The following PPARD variants were observed in gnomAD, a reference collection of about 807,000 sequenced individuals.
PPARD encodes the protein peroxisome proliferator-activated receptor delta.
In PPARD, 6 loss-of-function variants were observed where a neutral mutation model predicts 39.5. The ratio of observed to expected loss-of-function variants is 0.15; its 90% CI spans 0.08 to 0.30. The LOEUF is 0.30. PPARD is among the 10% of genes least tolerant of loss of function. The pLI is 1.00. For synonymous variants in PPARD, 210 were observed against 231.3 expected, an observed-to-expected ratio of 0.91 and a Z score of 0.83; for missense variants, 397 against 596.8, an observed-to-expected ratio of 0.67 and a Z score of 3.49.
At chr6:35,346,957 ATTACCTT>A in intron 1 of PPARD, 103 bp from the exon 2 acceptor site, 1 of 632,754 alleles carries the variant, frequency 1.6e-6, no homozygotes, top group Non-Finnish European at 2.7e-6. Flanking sequence ...GAGGAGCCAG[ATTACCTT>A]AGGAACACTC....
In PPARD at chr6:35,382,423, C is replaced by T. The variant is rs116925723; in HGVS notation, c.-101-28564C>T. On this transcript the variant is annotated intron_variant, in intron 2 of 7. Transcript: ENST00000360694. ...CCGTGAAATGGGTATAATTGTTTCA[C>T]CCACATTAATTTAACCAGAGGTCTT... Among the ~76,000 whole-genome samples the T allele has an allele frequency of 5.9e-5, 9 of 152,282 alleles. No individual in the cohort carries two copies. The East Asian group carries it at 1.7e-3, about 29-fold the overall frequency.
intron 2 of PPARD, among the ~76,000 whole-genome samples, chr6:35,381,868 G>C (rs545315224): frequency 6.6e-6 from 1 of 152,346 alleles, no homozygotes; most frequent in African/African-American, 2.4e-5. Context: ...ATGAAGAACA[G>C]TCAAGGTGCC....
Position 35,347,087 on chromosome 6 carries a change from A to C in PPARD, c.-165A>C. ...TGCAGTGTTGTACAGTGTTTTGGGC[A>C]TGCACGTGATACTCACACAGTGGCT... On this transcript the variant is annotated 5_prime_UTR_variant, in exon 2 of 8. It removes an upstream start codon present in the reference 5' UTR. Transcript: ENST00000360694. 2 of 1,535,854 alleles carry C rather than the reference A, an allele frequency of 1.3e-6. No homozygotes were observed. The highest frequency in any genetic ancestry group is 1.7e-6 in the Non-Finnish European group (2 of 1,146,690).
chr6:35,390,961 G>A (rs942583696), intron 2 of PPARD, among the ~76,000 whole-genome samples: 2 of 152,208 alleles, frequency 1.3e-5, no homozygotes, highest in Non-Finnish European at 1.5e-5. Flanking sequence ...GTTTGTGGCT[G>A]CAGTGAGCTA....
chr6:35,373,644 C>CATTTCTT (rs1762620557), intron 2 of PPARD, among the ~76,000 whole-genome samples: 1 of 150,466 alleles, frequency 6.6e-6, no homozygotes, highest in Non-Finnish European at 1.5e-5. Context: ...CTCTACGGTA[C>CATTTCTT]ATTTCTTTCT....
chr6:35,359,709 G>A (rs1261541863), intron 2 of PPARD, among the ~76,000 whole-genome samples: 5 of 152,188 alleles, frequency 3.3e-5, no homozygotes, highest in African/African-American at 1.2e-4. Context: ...AACGATCTGA[G>A]TAGAATATGG....
intron 2 of PPARD, chr6:35,348,291 A>G (rs1336647918): frequency 2.7e-5 from 25 of 926,846 alleles, no homozygotes; most frequent in Non-Finnish European, 3.2e-5. Flanking sequence ...TCTCTGCCTC[A>G]TGGGTCTGTG....
chr6:35,352,654 T>C (rs1204777474), intron 2 of PPARD, among the ~76,000 whole-genome samples: 1 of 152,178 alleles, frequency 6.6e-6, no homozygotes, highest in Non-Finnish European at 1.5e-5. Context: ...GTTGCTATAG[T>C]CAAATGAAGA....
chr6:35,422,298 G>T (rs1037593347), intron 5 of PPARD, among the ~76,000 whole-genome samples: 1 of 152,184 alleles, frequency 6.6e-6, no homozygotes, highest in Non-Finnish European at 1.5e-5. Flanking sequence ...AGAAACTCAA[G>T]CCTGTCTCAG....
intron 2 of PPARD, among the ~76,000 whole-genome samples, chr6:35,372,200 C>T (rs959324061): frequency 1.3e-5 from 2 of 152,094 alleles, no homozygotes; most frequent in African/African-American, 4.8e-5. Context: ...TTTTTTGAGA[C>T]GGAGTCTCGC....
chr6:35,367,040 A>C (rs1389947766), intron 2 of PPARD, among the ~76,000 whole-genome samples: 1 of 152,172 alleles, frequency 6.6e-6, no homozygotes, highest in East Asian at 1.9e-4. Context: ...TGGCACTGGA[A>C]GTGGAAAGGT....
At chr6:35,398,781 G>A (rs1581626336) in intron 2 of PPARD, among the ~76,000 whole-genome samples, 1 of 152,194 alleles carries the variant, frequency 6.6e-6, no homozygotes, top group Non-Finnish European at 1.5e-5. Flanking sequence ...CGTGGGTCAA[G>A]TAAAATAAAG....
intron 2 of PPARD, among the ~76,000 whole-genome samples, chr6:35,360,683 C>G (rs867918613): frequency 1.3e-5 from 2 of 152,248 alleles, no homozygotes; most frequent in African/African-American, 2.4e-5. Context: ...GCTCTTGGTA[C>G]TTGCCCTCTC....
chr6:35,408,091 G>A (rs968629696), intron 2 of PPARD, among the ~76,000 whole-genome samples: 2 of 152,204 alleles, frequency 1.3e-5, no homozygotes, highest in Non-Finnish European at 2.9e-5. Flanking sequence ...GTGGCCAGGT[G>A]CTTTCGGACT....
chr6:35,379,528 G>A (rs1046934821), intron 2 of PPARD, among the ~76,000 whole-genome samples: 4 of 152,180 alleles, frequency 2.6e-5, no homozygotes, highest in African/African-American at 7.2e-5. Context: ...CTGAAGATAC[G>A]GAAATAGTAA....
At chr6:35,415,637 T>TA (rs1256421972) in intron 3 of PPARD, among the ~76,000 whole-genome samples, 1 of 152,198 alleles carries the variant, frequency 6.6e-6, no homozygotes, top group Non-Finnish European at 1.5e-5. Context: ...AATAATGTTA[T>TA]TGATTAGCGG....
At position 35,415,778 on chromosome 6, in the gene PPARD, C is replaced by CTATGTGTGTGTGTGTGTGTGTG. The variant is rs1554212569; in HGVS notation, c.131-4348_131-4347insATGTGTGTGTGTGTGTGTGTGT. Among the ~76,000 whole-genome samples the CTATGTGTGTGTGTGTGTGTGTG allele has an allele frequency of 9.0e-5, 13 of 143,772 alleles. 1 individual carries two copies. Among genetic ancestry groups the CTATGTGTGTGTGTGTGTGTGTG allele is most frequent in the African/African-American group, 3.3e-4 (12 of 35,902 alleles). 94.3% of individuals were successfully genotyped at this position (143,772 alleles called of 152,430 possible). A position where few individuals can be genotyped will look rare whatever the true frequency, so the allele number is the denominator to read the frequency against. On this transcript the variant is annotated intron_variant, in intron 3 of 7. Transcript: ENST00000360694. Reference sequence around the variant, plus strand: ...TCAGGGTTCTCCAGAGAAGGAGAACCTGTGTGTGTGTGTGTGTGTGTGTGT... The same window carrying CTATGTGTGTGTGTGTGTGTGTG: ...TCAGGGTTCTCCAGAGAAGGAGAACCTATGTGTGTGTGTGTGTGTGTGTGTGTGTGTGTGTGTGTGTGTGTGT...
At position 35,426,407 on chromosome 6, in the gene PPARD, T is replaced by G; in HGVS notation, c.*328T>G. 2.6e-6 allele frequency: 1 copy of G among 391,054 alleles called. No homozygotes were observed. Among genetic ancestry groups the G allele is most frequent in the Non-Finnish European group, 4.7e-6 (1 of 212,352 alleles). The allele number at this position is 391,054 out of a possible 1,614,324, so 24.2% of individuals were successfully genotyped here. A position where few individuals can be genotyped will look rare whatever the true frequency, so the allele number is the denominator to read the frequency against. On this transcript the variant is annotated 3_prime_UTR_variant, in exon 8 of 8. Coordinates refer to ENST00000360694, the MANE Select transcript of PPARD (RefSeq NM_006238.5). ...CCTTTCTCTCTCCACCCCCCACGTC[T>G]GTCCTCCTTTCTTATTCTGTGAGAT...
chr6:35,417,451 A>AT (rs1176557824), intron 3 of PPARD, among the ~76,000 whole-genome samples: 157 of 139,980 alleles, frequency 1.1e-3, no homozygotes, highest in East Asian at 4.6e-3. Context: ...ACACCCAACT[A>AT]TTTTTTTTTT....
Sources: gnomAD v4.1 joint callset for allele counts (sites outside exome capture counted in the v4.1 genomes callset) on GRCh38, gnomAD v4.1.1 for gene constraint, MANE v1.5 for transcripts, NCBI Gene and HGNC (gene_info 2026-07-23, HGNC 2026-07-21) for gene names.